EGFLAM: variants seen among roughly 807,000 people sequenced by gnomAD.
EGFLAM encodes pikachurin.
EGFLAM carries 79 observed loss-of-function variants against 113.1 expected under a neutral mutation model. The observed-to-expected ratio is 0.70, with a 90% CI of 0.58 to 0.84. The LOEUF (loss-of-function observed/expected upper bound fraction) is 0.84. Among genes scored for constraint, EGFLAM ranks in the 40% least tolerant of loss-of-function variants. The pLI, the probability that EGFLAM is intolerant of heterozygous loss-of-function variation, is 0.00. For missense variants in EGFLAM, 1,265 were observed against 1,291.6 expected, an observed-to-expected ratio of 0.98 and a Z score of 0.32; for synonymous variants, 504 against 487.6, an observed-to-expected ratio of 1.03 and a Z score of -0.44.
chr5:38,427,668 T>A (rs539970194), intron 14 of EGFLAM, among the ~76,000 whole-genome samples: 1 of 152,312 alleles, frequency 6.6e-6, no homozygotes, highest in South Asian at 2.1e-4. Flanking sequence ...AAAAAAGTAT[T>A]AACAAATATT....
chr5:38,429,591 AT>A (rs1167453969), intron 14 of EGFLAM, among the ~76,000 whole-genome samples: 1 of 152,244 alleles, frequency 6.6e-6, no homozygotes, highest in Non-Finnish European at 1.5e-5. Flanking sequence ...TTGCATAAAT[AT>A]CATTAAACTT....
intron 13 of EGFLAM, among the ~76,000 whole-genome samples, chr5:38,425,355 T>A (rs1054526047): frequency 3.3e-5 from 5 of 152,064 alleles, no homozygotes; most frequent in Non-Finnish European, 5.9e-5. Flanking sequence ...TTAGTAGAGA[T>A]GGGATTTCAC....
intron 15 of EGFLAM, among the ~76,000 whole-genome samples, chr5:38,433,459 C>T (rs1345364769): frequency 1.3e-5 from 2 of 152,184 alleles, no homozygotes; most frequent in Non-Finnish European, 2.9e-5. Context: ...CACTGCAGAG[C>T]AGGCCTGGCT....
At chr5:38,396,452 A>G (rs370064217) in intron 6 of EGFLAM, among the ~76,000 whole-genome samples, 62 of 152,322 alleles carry the variant, frequency 4.1e-4, no homozygotes, top group African/African-American at 1.4e-3. Flanking sequence ...TCTTTCAACT[A>G]ACATTTATTT....
rs867629962 is a variant in EGFLAM at position 38,417,975 on chromosome 5, G to A, written c.1495-91G>A. ...AGAAAATGCTGGGGCTGTCACTGAC[G>A]TCTTAACCATGTCCCTCATAAAAAT... On this transcript the variant is annotated intron_variant, in intron 11 of 21. Transcript: ENST00000322350. The A allele has an allele frequency of 1.3e-5, 17 of 1,306,346 alleles. No individual in the cohort carries two copies. In the Middle Eastern group the frequency reaches 1.0e-3, roughly 77 times the overall value. 80.9% of individuals were successfully genotyped at this position (1,306,346 alleles called of 1,614,324 possible). A position where few individuals can be genotyped will look rare whatever the true frequency, so the allele number is the denominator to read the frequency against.
chr5:38,424,839 T>A, intron 12 of EGFLAM, 128 bp from the exon 13 acceptor site: 2 of 1,300,876 alleles, frequency 1.5e-6, no homozygotes, highest in Non-Finnish European at 2.1e-6. Context: ...TGTGCAGAGC[T>A]GCAAATCAAC....
At chr5:38,342,018 C>T (rs1206805838) in intron 3 of EGFLAM, among the ~76,000 whole-genome samples, 2 of 151,890 alleles carry the variant, frequency 1.3e-5, no homozygotes, top group Non-Finnish European at 2.9e-5. Flanking sequence ...AAAAGTTAAA[C>T]CCCTGTCCCA....
In EGFLAM at chr5:38,418,731, C is replaced by T. The variant is rs577586959; in HGVS notation, c.1684+476C>T. Among the ~76,000 whole-genome samples the T allele has an allele frequency of 6.2e-4, 95 of 152,298 alleles. 1 individual carries two copies. Among genetic ancestry groups the T allele is most frequent in the African/African-American group, 2.2e-3 (91 of 41,556 alleles). ...GCTCTCTCATTTACTTTCACACTAA[C>T]GCTAAGAGGTAGAAGTTATTATCAT... On this transcript the variant is annotated intron_variant, in intron 12 of 21. Transcript: ENST00000322350.
At chr5:38,273,520 G>A (rs571742360) in intron 1 of EGFLAM, among the ~76,000 whole-genome samples, 1 of 152,346 alleles carries the variant, frequency 6.6e-6, no homozygotes, top group South Asian at 2.1e-4. Flanking sequence ...TTACACATCA[G>A]CACTGCAGCA....
chr5:38,332,036 C>G (rs1739056436), intron 1 of EGFLAM, among the ~76,000 whole-genome samples: 1 of 152,174 alleles, frequency 6.6e-6, no homozygotes, highest in African/African-American at 2.4e-5. Context: ...ATTTTGCATT[C>G]CCACCAGTGA....
At position 38,350,637 on chromosome 5, in the gene EGFLAM, C is replaced by T. The variant is rs763729860; in HGVS notation, c.409+19C>T. The T allele has an allele frequency of 6.2e-7, 1 of 1,606,212 alleles. No homozygotes were observed. Among genetic ancestry groups the T allele is most frequent in the Non-Finnish European group, 8.5e-7 (1 of 1,174,064 alleles). ...TCCCAAGGTAAAGTAGGTTCAAATT[C>T]ATTAATAGGTGGCAGGCTGCTATCC... On this transcript the variant is annotated intron_variant, in intron 4 of 21. Transcript: ENST00000322350.
In EGFLAM at chr5:38,291,328, C is replaced by A. The variant is rs114985607; in HGVS notation, c.97+32477C>A. Among the ~76,000 whole-genome samples the A allele has an allele frequency of 9.5e-3, 1,443 of 152,296 alleles. 25 individuals are homozygous for A. Among genetic ancestry groups the A allele is most frequent in the African/African-American group, 0.031 (1,272 of 41,550 alleles). ...TCATTTCATTTTCGGCCCATGTTGG[C>A]TGACCTTCCCAAAGGTCACACTGAA... On this transcript the variant is annotated intron_variant, in intron 1 of 21. Transcript: ENST00000322350.
intron 15 of EGFLAM, 37 bp downstream of exon 15, chr5:38,431,325 T>G: frequency 6.3e-7 from 1 of 1,592,776 alleles, no homozygotes; most frequent in Non-Finnish European, 8.6e-7. Flanking sequence ...ATGGTTAGTG[T>G]GAGCCAGATT....
At chr5:38,268,392 G>T (rs1277384030) in intron 1 of EGFLAM, among the ~76,000 whole-genome samples, 1 of 125,508 alleles carries the variant, frequency 8.0e-6, no homozygotes, top group Non-Finnish European at 1.7e-5. Flanking sequence ...GGGAGGTAAA[G>T]AAAAAGAAGT....
At chr5:38,341,672 A>G (rs1739341597) in intron 3 of EGFLAM, among the ~76,000 whole-genome samples, 1 of 152,246 alleles carries the variant, frequency 6.6e-6, no homozygotes, top group African/African-American at 2.4e-5. Flanking sequence ...AGAAAGTTTT[A>G]GGAACTCTAC....
chr5:38,425,467 T>G (rs1230763253), intron 13 of EGFLAM, among the ~76,000 whole-genome samples: 1 of 152,148 alleles, frequency 6.6e-6, no homozygotes, highest in Non-Finnish European at 1.5e-5. Flanking sequence ...ACGCCAGGCC[T>G]CATCAATGTA....
At chr5:38,263,678 C>T (rs191648120) in intron 1 of EGFLAM, among the ~76,000 whole-genome samples, 2 of 152,132 alleles carry the variant, frequency 1.3e-5, no homozygotes, top group East Asian at 3.9e-4. Context: ...TCTTAAATGG[C>T]TCGTGCTGTT....
chr5:38,447,449 T>C (rs940974591), intron 17 of EGFLAM, among the ~76,000 whole-genome samples: 3 of 152,158 alleles, frequency 2.0e-5, no homozygotes, highest in Admixed American at 6.5e-5. Flanking sequence ...CTTCATGAGA[T>C]TGTAGTGAAG....
At chr5:38,345,536 A>G (rs561974228) in intron 3 of EGFLAM, 1 of 152,324 alleles carries the variant, frequency 6.6e-6, no homozygotes, top group East Asian at 1.9e-4. Flanking sequence ...AGAACCAGGC[A>G]AACACCAAGT....
Sources: gnomAD v4.1 joint callset for allele counts (sites outside exome capture counted in the v4.1 genomes callset) on GRCh38, gnomAD v4.1.1 for gene constraint, MANE v1.5 for transcripts, NCBI Gene and HGNC (gene_info 2026-07-23, HGNC 2026-07-21) for gene names.